The following DICER1 variants were observed in gnomAD, a reference collection of about 807,000 sequenced individuals.
DICER1 encodes the protein endoribonuclease Dicer.
DICER1 carries 43 observed loss-of-function variants against 194.1 expected under a neutral mutation model. The ratio of observed to expected loss-of-function variants is 0.22; its 90% confidence interval spans 0.17 to 0.29. The LOEUF is 0.29. Ranked by LOEUF, DICER1 falls within the 10% of genes least tolerant of loss-of-function variation. The pLI is 1.00. For synonymous variants in DICER1, 832 were observed against 820.5 expected (o/e 1.01, Z -0.24); for missense variants, 1,608 against 2,317.0 (o/e 0.69, Z 6.28).
rs180926609 is a variant in DICER1 at position 95,090,208 on chromosome 14, C to A, written c.*290G>T. The stretch of plus-strand genomic sequence containing the variant: ...AACAAAACCTGTCAATTATTTTGAG[C>A]ACTTGCTAAATGTCATCATTAAAGC... On this transcript the variant is annotated 3_prime_UTR_variant, in exon 27 of 27. Coordinates refer to ENST00000343455, the MANE Select transcript of DICER1 (RefSeq NM_177438.3). 4.5e-6 allele frequency: 2 copies of A among 445,108 alleles called. No homozygotes were observed. The highest frequency in any genetic ancestry group is 4.1e-6 in the Non-Finnish European group (1 of 245,956). The allele number at this position is 445,108 out of a possible 1,614,324, so 27.6% of individuals were successfully genotyped here.
chr14:95,096,021 T>C lies in DICER1; in HGVS notation c.4899A>G (p.Val1633=), dbSNP rs878855271. 61 of 1,614,122 alleles carry C rather than the reference T, an allele frequency of 3.8e-5. No individual in the cohort carries two copies. The highest frequency in any genetic ancestry group is 4.8e-5 in the Non-Finnish European group (57 of 1,180,046). The stretch of plus-strand genomic sequence containing the variant: ...AACAACCATATTCCGAGTCTTTCAA[T>C]ACAGAAGAGCGTGAACTGGCCACAG... ...AASVASSRSS[V]LKDSEYGCLK... is the part of the protein sequence containing the mutation. Residue 1633 remains valine, a synonymous_variant, in exon 23 of 27, where the codon GTA becomes GTG. Transcript: ENST00000343455.
intron 1 of DICER1, among the ~76,000 whole-genome samples, chr14:95,138,994 T>TAAAA (rs67050539): frequency 7.4e-6 from 1 of 135,960 alleles, no homozygotes. Context: ...AATAAAAAAA[T>TAAAA]AAAAAAAAAA....
intron 8 of DICER1, among the ~76,000 whole-genome samples, chr14:95,120,350 T>C (rs1019817119): frequency 6.6e-6 from 1 of 152,166 alleles, no homozygotes; most frequent in Non-Finnish European, 1.5e-5. Flanking sequence ...TGTGTGCTGG[T>C]TGATAAAACT....
intron 1 of DICER1, among the ~76,000 whole-genome samples, chr14:95,137,307 A>AAAAGGGAAAGGGGAAGAGGAAAGGG (rs1566821347): frequency 6.9e-6 from 1 of 145,086 alleles, no homozygotes; most frequent in Admixed American, 6.8e-5. Context: ...AAGAAAAAGG[A>AAAAGGGAAAGGGGAAGAGGAAAGGG]AAAGGGAAAG....
chr14:95,135,826 T>C (rs1434762368), intron 1 of DICER1, among the ~76,000 whole-genome samples: 1 of 152,220 alleles, frequency 6.6e-6, no homozygotes, highest in Admixed American at 6.5e-5. Context: ...GACACTTAGA[T>C]TGTTTCAATA....
At chr14:95,110,614 T>C (rs1318275211) in intron 14 of DICER1, among the ~76,000 whole-genome samples, 1 of 152,150 alleles carries the variant, frequency 6.6e-6, no homozygotes, top group Admixed American at 6.5e-5. Flanking sequence ...TCTTGGAACA[T>C]ACCCTCCAAG....
Position 95,124,131 on chromosome 14 carries a change from G to C in DICER1, c.1376+65C>G. On this transcript the variant is annotated intron_variant, in intron 8 of 26. Transcript: ENST00000343455. This position sits in a 1 kb window ranked among gnomAD's most constrained non-coding sequence, Gnocchi z 4.5. ...TGCTAGCTCTTACAGCTGCTGCAGC[G>C]CATCACATCACAACACAGGACGCCT... The C allele has an allele frequency of 8.5e-7, 1 of 1,172,834 alleles. No individual in the cohort carries two copies. The highest frequency in any genetic ancestry group is 1.2e-5 in the South Asian group (1 of 80,930). 72.7% of individuals were successfully genotyped at this position (1,172,834 alleles called of 1,614,324 possible). A position where few individuals can be genotyped will look rare whatever the true frequency, so the allele number is the denominator to read the frequency against.
intron 8 of DICER1, among the ~76,000 whole-genome samples, chr14:95,121,123 T>C (rs961752076): frequency 6.6e-6 from 1 of 151,904 alleles, no homozygotes; most frequent in Non-Finnish European, 1.5e-5. Context: ...CCCAAGAACA[T>C]AAGAAAAACC....
At chr14:95,100,566 T>C (rs1439692968) in intron 21 of DICER1, among the ~76,000 whole-genome samples, 1 of 152,250 alleles carries the variant, frequency 6.6e-6, no homozygotes, top group Non-Finnish European at 1.5e-5. Flanking sequence ...TTCACATTAA[T>C]GGAACAGCTT....
At position 95,103,350 on chromosome 14, in the gene DICER1, T is replaced by C; in HGVS notation, c.4046A>G (p.Lys1349Arg). ...HEGRLSYMRS[K>R]KVSNCNLYRL... ...AATAAAAAAATCATCTCTTACCTTT[T>C]TGCTTCTCATATATGAAAGGCGGCC... Residue 1349 changes from lysine (K) to arginine (R), a missense_variant, in exon 21 of 27, where the codon AAA becomes AGA. By Grantham distance (26) the Lys-to-Arg change is conservative (BLOSUM62 2). Coordinates refer to ENST00000343455, the MANE Select transcript of DICER1 (RefSeq NM_177438.3). The C allele has an allele frequency of 6.2e-7, 1 of 1,614,068 alleles. No individual in the cohort carries two copies. The highest frequency in any genetic ancestry group is 1.1e-5 in the South Asian group (1 of 91,086).
intron 1 of DICER1, among the ~76,000 whole-genome samples, chr14:95,138,674 C>G (rs923685319): frequency 6.6e-6 from 1 of 151,922 alleles, no homozygotes; most frequent in South Asian, 2.1e-4. Flanking sequence ...TGTAACCTTA[C>G]GTTCAGATTA....
chr14:95,096,738 G>A (rs1257734082), intron 22 of DICER1, 25 bp from the exon 23 acceptor site: 13 of 1,577,306 alleles, frequency 8.2e-6, no homozygotes, highest in Non-Finnish European at 1.1e-5. Context: ...AATGGGGAAG[G>A]AGGGGAAACA....
chr14:95,136,093 ACACAC>A (rs1894348924), intron 1 of DICER1, among the ~76,000 whole-genome samples: 2 of 77,294 alleles, frequency 2.6e-5, no homozygotes, highest in South Asian at 5.2e-4. Context: ...AGATACACAC[ACACAC>A]ACACACACAC....
intron 22 of DICER1, 44 bp from the exon 23 acceptor site, chr14:95,096,757 GT>G: frequency 6.4e-7 from 1 of 1,552,788 alleles, no homozygotes; most frequent in Non-Finnish European, 8.7e-7. Context: ...CATAGCTGCT[GT>G]TTTTAAAAGG....
At chr14:95,113,763 GA>G (rs1322625832) in intron 11 of DICER1, among the ~76,000 whole-genome samples, 2 of 152,212 alleles carry the variant, frequency 1.3e-5, no homozygotes, top group African/African-American at 4.8e-5. Context: ...GAACAGGGCA[GA>G]AAGCTAGCCC....
chr14:95,103,664 A>G lies in DICER1; in HGVS notation c.3732T>C (p.Asp1244=), dbSNP rs775968437. Reference sequence around the variant, plus strand: ...CTGAGGTAGATTTGTTAGCATTTCCATCAAGGTATTTATTACTCAGGAGAG... The same window carrying G: ...CTGAGGTAGATTTGTTAGCATTTCCGTCAAGGTATTTATTACTCAGGAGAG... The part of the protein sequence containing the change: ...ECTLLSNKYL[D]GNANKSTSDG... Residue 1244 remains aspartate, a synonymous_variant, in exon 21 of 27, where the codon GAT becomes GAC. Transcript: ENST00000343455. The G allele has an allele frequency of 6.2e-7, 1 of 1,614,094 alleles. No homozygotes were observed. Among genetic ancestry groups the G allele is most frequent in the Non-Finnish European group, 8.5e-7 (1 of 1,180,048 alleles).
intron 1 of DICER1, among the ~76,000 whole-genome samples, chr14:95,152,965 C>G (rs1407779274): frequency 6.6e-6 from 1 of 151,968 alleles, no homozygotes; most frequent in Non-Finnish European, 1.5e-5. Flanking sequence ...ACCTGTAATC[C>G]CAGCACTTTG....
At chr14:95,106,654 A>C (rs1891456070) in intron 17 of DICER1, among the ~76,000 whole-genome samples, 1 of 152,120 alleles carries the variant, frequency 6.6e-6, no homozygotes, top group South Asian at 2.1e-4. Flanking sequence ...AACATTTAAA[A>C]TATGGTTTTG....
Position 95,090,619 on chromosome 14 carries a change from T to C in DICER1, c.5648A>G (p.Glu1883Gly), listed in dbSNP as rs1299000813. ...TYDGKVRVTVEVVGKGKFKGV... is the reference protein window; with the variant it reads ...TYDGKVRVTVGVVGKGKFKGV... ...TTTAAATTTCCCCTTTCCTACTACT[T>C]CCACAGTGACTCTGACCTTCCCGTC... The change falls in exon 27 of 27, where the codon GAA (glutamate) becomes GGA (glycine). Residue 1883 changes from glutamate to glycine, a missense_variant. By Grantham distance (98) the Glu-to-Gly change is moderately conservative. This residue lies in a region of DICER1 where 138 missense variants were observed against 298.3 expected (regional missense o/e 0.46). Coordinates refer to ENST00000343455, the MANE Select transcript of DICER1 (RefSeq NM_177438.3). The C allele has an allele frequency of 6.2e-7, 1 of 1,614,160 alleles. No individual in the cohort carries two copies. Among genetic ancestry groups the C allele is most frequent in the Admixed American group, 1.7e-5 (1 of 60,026 alleles).
Sources: gnomAD v4.1 joint callset for allele counts (sites outside exome capture counted in the v4.1 genomes callset) on GRCh38, gnomAD v4.1.1 for gene constraint, gnomAD v4.1.1 regional missense constraint, Gnocchi (gnomAD v3.1) non-coding constraint, MANE v1.5 for transcripts, NCBI Gene and HGNC (gene_info 2026-07-23, HGNC 2026-07-21) for gene names.